Variants in GRIN3A observed in about 807,000 individuals in gnomAD.
GRIN3A encodes the protein glutamate receptor ionotropic, NMDA 3A.
In GRIN3A, 47 loss-of-function variants were observed where a neutral mutation model predicts 92.4. The ratio of observed to expected loss-of-function variants is 0.51; its 90% CI spans 0.40 to 0.65. The LOEUF (loss-of-function observed/expected upper bound fraction) is 0.65. GRIN3A is among the 30% of genes least tolerant of loss of function. The probability of loss-of-function intolerance (pLI) is 0.00; values close to 1 mark genes in which losing one functional copy is unlikely to be tolerated. For synonymous variants in GRIN3A, 527 were observed against 540.6 expected, an observed-to-expected ratio of 0.97 and a Z score of 0.35; for missense variants, 1,324 against 1,393.1, an observed-to-expected ratio of 0.95 and a Z score of 0.79.
At chr9:101,726,601 A>T (rs887221761) in intron 1 of GRIN3A, among the ~76,000 whole-genome samples, 5 of 152,156 alleles carry the variant, frequency 3.3e-5, no homozygotes, top group Admixed American at 2.6e-4. Flanking sequence ...TATGGAAATG[A>T]AAATGTTCTA....
At position 101,571,837 on chromosome 9, in the gene GRIN3A, G is replaced by A. The variant is rs548620998; in HGVS notation, c.*1337C>T. The stretch of plus-strand genomic sequence containing the variant: ...CTCCACCCCCAACCCCATAATCTCT[G>A]GAGAAGGGTCTTGGCAATCCGCACT... On this transcript the variant is annotated 3_prime_UTR_variant, in exon 9 of 9. Transcript: ENST00000361820. 6.6e-6 allele frequency: 1 copy of A among 152,316 alleles called. No homozygotes were observed. Among genetic ancestry groups the A allele is most frequent in the Non-Finnish European group, 1.5e-5 (1 of 68,112 alleles). The allele number at this position is 152,316 out of a possible 1,614,324, so 9.4% of individuals were successfully genotyped here. A position where few individuals can be genotyped will look rare whatever the true frequency, so the allele number is the denominator to read the frequency against.
At chr9:101,712,741 T>C (rs1829894914) in intron 1 of GRIN3A, among the ~76,000 whole-genome samples, 1 of 152,200 alleles carries the variant, frequency 6.6e-6, no homozygotes, top group South Asian at 2.1e-4. Context: ...AACTACCAGC[T>C]AGTGGAAACA....
chr9:101,715,105 A>T (rs1829927824), intron 1 of GRIN3A, among the ~76,000 whole-genome samples: 1 of 151,790 alleles, frequency 6.6e-6, no homozygotes, highest in African/African-American at 2.4e-5. Flanking sequence ...TCTTCAATCA[A>T]CTAGTATTAT....
At chr9:101,665,445 A>G (rs1420277592) in intron 3 of GRIN3A, among the ~76,000 whole-genome samples, 2 of 151,918 alleles carry the variant, frequency 1.3e-5, no homozygotes, top group East Asian at 3.9e-4. Flanking sequence ...AGCACAGCAA[A>G]ACTTTCTTGA....
intron 4 of GRIN3A, 111 bp downstream of exon 4, chr9:101,628,145 A>G: frequency 1.0e-6 from 1 of 992,378 alleles, no homozygotes; most frequent in Non-Finnish European, 1.6e-6. Context: ...ACTTAACACA[A>G]CGTGGGTATA....
chr9:101,665,576 G>A (rs2417286), intron 3 of GRIN3A, among the ~76,000 whole-genome samples: 51,131 of 151,692 alleles, frequency 0.34, 9,485 homozygotes, highest in Non-Finnish European at 0.42. Flanking sequence ...AAAGCAGATA[G>A]TAAGTCAGTG....
At chr9:101,717,456 A>T (rs1381352941) in intron 1 of GRIN3A, among the ~76,000 whole-genome samples, 1 of 152,218 alleles carries the variant, frequency 6.6e-6, no homozygotes, top group Non-Finnish European at 1.5e-5. Context: ...TAACAAACAG[A>T]TGGCTACCAC....
At chr9:101,732,261 A>T (rs369058276) in intron 1 of GRIN3A, among the ~76,000 whole-genome samples, 9 of 152,242 alleles carry the variant, frequency 5.9e-5, no homozygotes, top group African/African-American at 2.2e-4. Context: ...AAAAATTTGG[A>T]TGTTTGCTTT....
intron 5 of GRIN3A, among the ~76,000 whole-genome samples, chr9:101,617,072 C>T (rs1217011356): frequency 7.3e-5 from 11 of 149,804 alleles, no homozygotes; most frequent in African/African-American, 1.5e-4. Context: ...TGGTGGCGGG[C>T]GCCTGTAGTC....
At chr9:101,595,021 TG>T (rs1828100437) in intron 6 of GRIN3A, 1 of 1,215,484 alleles carries the variant, frequency 8.2e-7, no homozygotes, top group East Asian at 3.1e-5. Context: ...GGCCATGGGG[TG>T]GGGGTAGAGG....
chr9:101,737,766 T>A lies in GRIN3A; in HGVS notation c.214A>T (p.Ser72Cys). ...TCATCCCTCTGGGCTCCTGCTCGGC[T>A]GTCGTCCGGAGCGCGGCTGGCCGCG... ...PRAASRAPDDSRAGAQRDEPE... is the reference protein window; with the variant it reads ...PRAASRAPDDCRAGAQRDEPE... Residue 72 changes from serine to cysteine, a missense_variant, in exon 1 of 9, where the codon AGC becomes TGC. By Grantham distance (112) the Ser-to-Cys change is moderately radical. Transcript: ENST00000361820. 1.3e-6 allele frequency: 2 copies of A among 1,528,796 alleles called. No homozygotes were observed. The highest frequency in any genetic ancestry group is 1.7e-6 in the Non-Finnish European group (2 of 1,143,920). 94.7% of individuals were successfully genotyped at this position (1,528,796 alleles called of 1,614,324 possible).
At chr9:101,673,865 A>C (rs375519932) in intron 2 of GRIN3A, among the ~76,000 whole-genome samples, 1 of 152,160 alleles carries the variant, frequency 6.6e-6, no homozygotes, top group African/African-American at 2.4e-5. Flanking sequence ...GGGGAGAGAG[A>C]AAGTGAGCAG....
At chr9:101,703,230 C>A (rs983411701) in intron 1 of GRIN3A, among the ~76,000 whole-genome samples, 1 of 152,182 alleles carries the variant, frequency 6.6e-6, no homozygotes, top group Admixed American at 6.5e-5. Context: ...AATGATCTGG[C>A]CTTGCTTACT....
At chr9:101,628,517 C>T in intron 3 of GRIN3A, 116 bp from the exon 4 acceptor site, 1 of 935,256 alleles carries the variant, frequency 1.1e-6, no homozygotes, top group South Asian at 1.5e-5. Flanking sequence ...CTAACCCCCA[C>T]AGGCAGAAAC....
intron 3 of GRIN3A, among the ~76,000 whole-genome samples, chr9:101,633,780 C>T (rs1207181602): frequency 4.0e-5 from 6 of 149,128 alleles, no homozygotes; most frequent in Non-Finnish European, 6.0e-5. Flanking sequence ...TCCACAAAAT[C>T]GGTCCCTGGT....
intron 1 of GRIN3A, among the ~76,000 whole-genome samples, chr9:101,696,972 C>T (rs1236120574): frequency 6.6e-6 from 1 of 152,140 alleles, no homozygotes; most frequent in Non-Finnish European, 1.5e-5. Flanking sequence ...CACAGTTCAA[C>T]TAATTGTGAT....
intron 5 of GRIN3A, among the ~76,000 whole-genome samples, chr9:101,622,816 G>A (rs908067455): frequency 6.6e-6 from 1 of 151,866 alleles, no homozygotes. Context: ...TCAATATTGG[G>A]GCCCTCCCAG....
At chr9:101,703,394 A>G (rs1003435573) in intron 1 of GRIN3A, among the ~76,000 whole-genome samples, 1 of 152,180 alleles carries the variant, frequency 6.6e-6, no homozygotes, top group Non-Finnish European at 1.5e-5. Context: ...TTCAGGTCTC[A>G]GCTCATATTT....
In GRIN3A at chr9:101,670,600, C is replaced by G. The variant is rs368219379; in HGVS notation, c.1812G>C (p.Lys604Asn). Reference protein sequence around the residue: ...DFDLYIVGDGKYGAWKNGHWT... With the variant: ...DFDLYIVGDGNYGAWKNGHWT... ...AGTGCCCATTTTTCCATGCTCCATA[C>G]TTTCCATCCCCTACAATATAGAGGT... Residue 604 changes from lysine to asparagine, a missense_variant, in exon 3 of 9, where the codon AAG becomes AAC. By Grantham distance (94) the Lys-to-Asn change is moderately conservative. Coordinates refer to ENST00000361820, the MANE Select transcript of GRIN3A (RefSeq NM_133445.3). 5.6e-6 allele frequency: 9 copies of G among 1,613,928 alleles called. No homozygotes were observed. In the African/African-American group the frequency reaches 1.2e-4, roughly 22 times the overall value.
Sources: allele counts gnomAD v4.1 joint callset (sites outside exome capture counted in the v4.1 genomes callset), GRCh38; gene constraint gnomAD v4.1.1; transcripts MANE v1.5; gene names NCBI Gene and HGNC (gene_info 2026-07-23, HGNC 2026-07-21).